CHN2: variants seen among roughly 807,000 people sequenced by gnomAD.
CHN2 encodes chimerin 2.
CHN2 carries 35 observed loss-of-function variants against 56.3 expected under a neutral mutation model. That is an observed-to-expected ratio of 0.62 (90% CI 0.47 to 0.82). The LOEUF is 0.82. Among genes scored for constraint, CHN2 ranks in the 40% least tolerant of loss-of-function variants. CHN2 has a pLI of 0.00. For missense variants in CHN2, 491 were observed against 580.5 expected (o/e 0.85, Z 1.58); for synonymous variants, 210 against 212.8 (o/e 0.99, Z 0.12).
chr7:29,285,091 C>T (rs1234275385), intron 1 of CHN2, among the ~76,000 whole-genome samples: 1 of 152,206 alleles, frequency 6.6e-6, no homozygotes, highest in Non-Finnish European at 1.5e-5. Context: ...CTTTGCACTC[C>T]TCTCCTTGAG....
At chr7:29,452,754 C>T (rs141051915) in intron 6 of CHN2, among the ~76,000 whole-genome samples, 1 of 151,348 alleles carries the variant, frequency 6.6e-6, no homozygotes, top group African/African-American at 2.4e-5. Context: ...TTGTCAATAG[C>T]ATGAAACATT....
intron 1 of CHN2, among the ~76,000 whole-genome samples, chr7:29,200,504 C>T (rs907833723): frequency 2.4e-5 from 3 of 125,340 alleles, no homozygotes; most frequent in African/African-American, 8.9e-5. Flanking sequence ...TTTTTCTTCT[C>T]TCATCTGTTG....
intron 1 of CHN2, chr7:29,289,180 T>C (rs1052009338): frequency 3.3e-5 from 5 of 152,216 alleles, no homozygotes; most frequent in Non-Finnish European, 5.9e-5. Context: ...GGCTTGTAGG[T>C]TGGACTTAAT....
chr7:29,378,644 C>T (rs1412891909), intron 3 of CHN2, among the ~76,000 whole-genome samples: 1 of 152,150 alleles, frequency 6.6e-6, no homozygotes, highest in Admixed American at 6.5e-5. Flanking sequence ...GTTTGCCGAC[C>T]CCTGGTCTTA....
At chr7:29,182,782 C>T (rs896250396) in intron 2 of CHN2, among the ~76,000 whole-genome samples, 3 of 152,142 alleles carry the variant, frequency 2.0e-5, no homozygotes, top group African/African-American at 7.2e-5. Context: ...TGGAGGTAGG[C>T]TTATAGGAAA....
chr7:29,377,380 A>G (rs1181401958), intron 3 of CHN2, among the ~76,000 whole-genome samples: 1 of 152,198 alleles, frequency 6.6e-6, no homozygotes, highest in Non-Finnish European at 1.5e-5. Flanking sequence ...ATATACTATT[A>G]TGAATTCCAG....
Position 29,200,398 on chromosome 7 carries a change from C to CTCCTTCCTTCCTTCTT in CHN2, c.49+5439_49+5454dup, listed in dbSNP as rs1554360332. 1.4e-4 allele frequency among the ~76,000 whole-genome samples: 19 copies of CTCCTTCCTTCCTTCTT among 135,968 alleles called. No individual in the cohort carries two copies. The East Asian group carries it at 1.5e-3, about 11-fold the overall frequency. 89.2% of individuals were successfully genotyped at this position (135,968 alleles called of 152,430 possible). Reference sequence around the variant, plus strand: ...CCTCCCTCCCTCTATCCACCTTCTTCTCCTTCCTTCCTTCTTTCCTTCCTT... The same window carrying CTCCTTCCTTCCTTCTT: ...CCTCCCTCCCTCTATCCACCTTCTTCTCCTTCCTTCCTTCTTTCCTTCCTTCCTTCTTTCCTTCCTT... On this transcript the variant is annotated intron_variant, in intron 1 of 12. Coordinates refer to ENST00000222792, the MANE Select transcript of CHN2 (RefSeq NM_004067.4).
At chr7:29,493,182 G>A (rs745714067) in intron 7 of CHN2, among the ~76,000 whole-genome samples, 2 of 151,958 alleles carry the variant, frequency 1.3e-5, no homozygotes, top group Non-Finnish European at 2.9e-5. Flanking sequence ...TTACTGTTAT[G>A]TTACAGTTGC....
At chr7:29,332,280 G>C (rs139115665) in intron 1 of CHN2, among the ~76,000 whole-genome samples, 1 of 152,074 alleles carries the variant, frequency 6.6e-6, no homozygotes, top group African/African-American at 2.4e-5. Flanking sequence ...GAAAATGATC[G>C]TGCCTACCCT....
At chr7:29,353,735 CAG>C (rs1437536957) in intron 1 of CHN2, among the ~76,000 whole-genome samples, 3 of 152,286 alleles carry the variant, frequency 2.0e-5, no homozygotes, top group Middle Eastern at 3.4e-3. Flanking sequence ...ATGATGAGAA[CAG>C]AGTTTCCATA....
In CHN2 at chr7:29,286,067, G is replaced by A. The variant is rs190106845; in HGVS notation, c.50-68558G>A. 5.9e-5 allele frequency among the ~76,000 whole-genome samples: 9 copies of A among 152,232 alleles called. No individual in the cohort carries two copies. The East Asian group carries it at 9.7e-4, about 16-fold the overall frequency. The stretch of plus-strand genomic sequence containing the variant: ...CCATTTCTCTGCCTTCCCAAGCCAG[G>A]AGGTCACTAGAGCTCCTCCTGCATG... On this transcript the variant is annotated intron_variant, in intron 1 of 12. Coordinates refer to ENST00000222792, the MANE Select transcript of CHN2 (RefSeq NM_004067.4).
chr7:29,156,994 T>G (rs534457265), intron 2 of CHN2, among the ~76,000 whole-genome samples: 6 of 152,248 alleles, frequency 3.9e-5, no homozygotes, highest in African/African-American at 1.4e-4. Flanking sequence ...TTTTCACACA[T>G]TGGTCCACCC....
At chr7:29,353,975 T>A (rs1459104635) in intron 1 of CHN2, among the ~76,000 whole-genome samples, 1 of 152,240 alleles carries the variant, frequency 6.6e-6, no homozygotes, top group African/African-American at 2.4e-5. Flanking sequence ...CATTGTCTGT[T>A]TCCTAGATGG....
chr7:29,160,644 C>T (rs1419731863), intron 2 of CHN2, among the ~76,000 whole-genome samples: 2 of 152,204 alleles, frequency 1.3e-5, no homozygotes, highest in Non-Finnish European at 2.9e-5. Context: ...CACCTTGACT[C>T]CTAATTTGGG....
chr7:29,447,873 A>C (rs1220973347), intron 6 of CHN2, among the ~76,000 whole-genome samples: 1 of 152,228 alleles, frequency 6.6e-6, no homozygotes, highest in Non-Finnish European at 1.5e-5. Flanking sequence ...AAACAGTAAC[A>C]ACCCTGGGTG....
intron 1 of CHN2, among the ~76,000 whole-genome samples, chr7:29,322,995 A>C (rs1260104078): frequency 1.3e-5 from 2 of 152,120 alleles, no homozygotes; most frequent in Non-Finnish European, 2.9e-5. Context: ...CTCTACTAAA[A>C]ATACAAAAAT....
chr7:29,379,309 A>C (rs924818387), intron 3 of CHN2, among the ~76,000 whole-genome samples: 1 of 152,358 alleles, frequency 6.6e-6, no homozygotes, highest in Admixed American at 6.5e-5. Flanking sequence ...CTCCATCAGC[A>C]GGAAGTTAAA....
chr7:29,292,296 G>A (rs1025687885), intron 1 of CHN2, among the ~76,000 whole-genome samples: 5 of 152,170 alleles, frequency 3.3e-5, no homozygotes, highest in Admixed American at 6.5e-5. Context: ...TAGGGAAGCT[G>A]GAGTGCTCCG....
chr7:29,337,466 A>G (rs988546777), intron 1 of CHN2, among the ~76,000 whole-genome samples: 17 of 152,234 alleles, frequency 1.1e-4, no homozygotes, highest in Non-Finnish European at 2.1e-4. Context: ...TGCAACACTC[A>G]TAACAGCAGA....
Sources: gnomAD v4.1 joint callset for allele counts (sites outside exome capture counted in the v4.1 genomes callset) on GRCh38, gnomAD v4.1.1 for gene constraint, MANE v1.5 for transcripts, NCBI Gene and HGNC (gene_info 2026-07-23, HGNC 2026-07-21) for gene names.